The following INO80D variants were observed in gnomAD, a reference collection of about 807,000 sequenced individuals.
INO80D encodes the protein INO80 complex subunit D.
INO80D carries 21 observed loss-of-function variants against 87.6 expected under a neutral mutation model. The ratio of observed to expected loss-of-function variants is 0.24; its 90% CI spans 0.17 to 0.35. The LOEUF is 0.35. Among genes scored for constraint, INO80D ranks in the 10% least tolerant of loss-of-function variants. The pLI is 1.00. For missense variants in INO80D, 982 were observed against 1,280.7 expected (o/e 0.77, Z 3.56); for synonymous variants, 440 against 491.0 (o/e 0.90, Z 1.37).
intron 6 of INO80D, among the ~76,000 whole-genome samples, chr2:206,025,270 G>A (rs184037413): frequency 6.6e-6 from 1 of 151,186 alleles, no homozygotes; most frequent in East Asian, 2.0e-4. Context: ...GCTCACGCCT[G>A]TAATCCCAGC....
At chr2:206,065,049 A>G (rs1689777807) in intron 1 of INO80D, among the ~76,000 whole-genome samples, 1 of 152,124 alleles carries the variant, frequency 6.6e-6, no homozygotes, top group African/African-American at 2.4e-5. Context: ...CTAGACCCCC[A>G]CCTTTCACCC....
rs1687963148 is a variant in INO80D at position 206,004,318 on chromosome 2, AAGAT to A, written c.*46_*49del. The A allele has an allele frequency of 6.7e-7, 1 of 1,489,222 alleles. No homozygotes were observed. Among genetic ancestry groups the A allele is most frequent in the Admixed American group, 2.0e-5 (1 of 50,276 alleles). The allele number at this position is 1,489,222 out of a possible 1,614,324, so 92.3% of individuals were successfully genotyped here. On this transcript the variant is annotated 3_prime_UTR_variant, in exon 11 of 11. Transcript: ENST00000403263. The surrounding 1 kb of genome is among the most constrained non-coding windows in gnomAD (Gnocchi z 4.9). ...GGAGAGGGGTGCTAAAGAGGAAACA[AAGAT>A]AGAAAACACTGGGTTCCCCACCTGC...
At position 206,058,151 on chromosome 2, in the gene INO80D, T is replaced by C. The variant is rs564074358; in HGVS notation, c.219-1208A>G. ...AAAAACCTATAAAGGCCGGGCACAATGGCTCATGCCTGTAATCCCAGCACT... is the reference window on the plus strand; with the variant it reads ...AAAAACCTATAAAGGCCGGGCACAACGGCTCATGCCTGTAATCCCAGCACT... On this transcript the variant is annotated intron_variant, in intron 3 of 10. Coordinates refer to ENST00000403263, the MANE Select transcript of INO80D (RefSeq NM_017759.5). 7.2e-5 allele frequency among the ~76,000 whole-genome samples: 11 copies of C among 152,308 alleles called. No homozygotes were observed. The South Asian group carries it at 2.3e-3, about 32-fold the overall frequency.
chr2:206,036,980 T>C (rs779716897), intron 5 of INO80D, among the ~76,000 whole-genome samples: 4 of 152,148 alleles, frequency 2.6e-5, no homozygotes, highest in Non-Finnish European at 4.4e-5. Flanking sequence ...TCAAGGACAT[T>C]AATATTTCAA....
chr2:206,048,438 G>A (rs201866157), intron 4 of INO80D, among the ~76,000 whole-genome samples: 67 of 151,780 alleles, frequency 4.4e-4, no homozygotes, highest in East Asian at 4.1e-3. Flanking sequence ...TTGCCATGTT[G>A]ACCAGGCTGC....
chr2:206,047,819 A>G (rs1261371100), intron 4 of INO80D, among the ~76,000 whole-genome samples: 1 of 151,762 alleles, frequency 6.6e-6, no homozygotes. Context: ...GTAGGATGGT[A>G]ATGTTCTACT....
At position 206,056,623 on chromosome 2, in the gene INO80D, C is replaced by A. The variant is rs762687351; in HGVS notation, c.539G>T (p.Arg180Leu). 1.2e-6 allele frequency: 2 copies of A among 1,610,546 alleles called. No individual in the cohort carries two copies. Among genetic ancestry groups the A allele is most frequent in the South Asian group, 1.1e-5 (1 of 90,482 alleles). Reference protein sequence around the residue: ...LQSKLAQNRQRQRETEILKVR... With the variant: ...LQSKLAQNRQLQRETEILKVR... ...TTTTAAAATCTCTGTCTCTCTCTGGCGCTGCCGATTCTGGGCCAACTTGCT... is the reference window on the plus strand; with the variant it reads ...TTTTAAAATCTCTGTCTCTCTCTGGAGCTGCCGATTCTGGGCCAACTTGCT... The change falls in exon 4 of 11, where the codon CGC becomes CTC. Residue 180 changes from arginine (R) to leucine (L), a missense_variant. Coordinates refer to ENST00000403263, the MANE Select transcript of INO80D (RefSeq NM_017759.5).
rs1023098649 is a variant in INO80D, at chr2:206,004,212, G to A, written c.*156C>T. ...GAGCACATGTGAACACTGTAGCGAG[G>A]TCCACTGCAGGGCCACTCATTGAAC... On this transcript the variant is annotated 3_prime_UTR_variant, in exon 11 of 11. Transcript: ENST00000403263. The surrounding 1 kb of genome is among the most constrained non-coding windows in gnomAD (Gnocchi z 4.9). The A allele has an allele frequency of 2.9e-6, 2 of 684,808 alleles. No homozygotes were observed. Among genetic ancestry groups the A allele is most frequent in the Admixed American group, 5.5e-5 (2 of 36,334 alleles). The allele number at this position is 684,808 out of a possible 1,614,324, so 42.4% of individuals were successfully genotyped here.
At chr2:206,033,456 A>G (rs543008369) in intron 5 of INO80D, among the ~76,000 whole-genome samples, 164 of 152,300 alleles carry the variant, frequency 1.1e-3, no homozygotes, top group Non-Finnish European at 1.8e-3. Context: ...ATCCAAATAC[A>G]TGGAAATTAA....
chr2:206,039,975 G>A (rs1463372351), intron 5 of INO80D, among the ~76,000 whole-genome samples: 1 of 151,700 alleles, frequency 6.6e-6, no homozygotes, highest in Non-Finnish European at 1.5e-5. Context: ...ATACGACAAA[G>A]AGTAATCACA....
chr2:206,011,318 C>T (rs1221084367), intron 8 of INO80D, among the ~76,000 whole-genome samples: 2 of 152,128 alleles, frequency 1.3e-5, no homozygotes, highest in African/African-American at 2.4e-5. Context: ...GTAAGGCTCC[C>T]AATGATCACC....
Position 206,047,999 on chromosome 2 carries a change from C to T in INO80D, c.965-1387G>A, listed in dbSNP as rs938928642. 1.5e-4 allele frequency among the ~76,000 whole-genome samples: 23 copies of T among 151,854 alleles called. 2 individuals carry two copies. The highest frequency in any genetic ancestry group is 1.2e-3 in the East Asian group (6 of 5,156). On this transcript the variant is annotated intron_variant, in intron 4 of 10. Transcript: ENST00000403263. ...CCGAGTAGCTGGGACTACAGGCACC[C>T]GCCACCGCGCCTGGCTAATTTTTTT...
chr2:206,027,784 G>A (rs1688656343), intron 6 of INO80D, among the ~76,000 whole-genome samples: 1 of 152,070 alleles, frequency 6.6e-6, no homozygotes, highest in South Asian at 2.1e-4. Flanking sequence ...TACTTTTGTA[G>A]TTAAAAATCT....
intron 4 of INO80D, among the ~76,000 whole-genome samples, chr2:206,050,023 C>A (rs1689307307): frequency 6.6e-6 from 1 of 151,968 alleles, no homozygotes; most frequent in Non-Finnish European, 1.5e-5. Flanking sequence ...ATCCTAGCTA[C>A]TCAGGAGGCT....
chr2:206,011,707 T>C (rs1248459999), intron 8 of INO80D, among the ~76,000 whole-genome samples: 1 of 152,196 alleles, frequency 6.6e-6, no homozygotes, highest in Admixed American at 6.5e-5. Context: ...ACCCCTTCCA[T>C]TGGTATGCCT....
Position 206,065,807 on chromosome 2 carries a change from G to A in INO80D, c.-123-2563C>T, listed in dbSNP as rs182669722. ...GAAAAAATGCTGAACATCACTAATCGTCAGGGAAATACAAATCAAAATTGG... is the reference window on the plus strand; with the variant it reads ...GAAAAAATGCTGAACATCACTAATCATCAGGGAAATACAAATCAAAATTGG... On this transcript the variant is annotated intron_variant, in intron 1 of 10. Coordinates refer to ENST00000403263, the MANE Select transcript of INO80D (RefSeq NM_017759.5). Among the ~76,000 whole-genome samples the A allele has an allele frequency of 5.3e-5, 8 of 152,220 alleles. No homozygotes were observed. The East Asian group carries it at 1.2e-3, about 22-fold the overall frequency.
chr2:206,005,575 C>T, intron 10 of INO80D, 42 bp from the exon 11 acceptor site: 2 of 1,402,464 alleles, frequency 1.4e-6, no homozygotes, highest in Non-Finnish European at 2.0e-6. Flanking sequence ...GAGCTTTTAC[C>T]AGTTCTACAT....
At chr2:206,008,987 G>C (rs925511296) in intron 9 of INO80D, among the ~76,000 whole-genome samples, 2 of 152,180 alleles carry the variant, frequency 1.3e-5, no homozygotes, top group African/African-American at 4.8e-5. Context: ...ACTTCTGTTG[G>C]AACATATATG....
At chr2:206,073,491 C>T (rs975569420) in intron 1 of INO80D, among the ~76,000 whole-genome samples, 5 of 151,996 alleles carry the variant, frequency 3.3e-5, no homozygotes, top group African/African-American at 4.8e-5. Context: ...TAAATACTAT[C>T]GCATTTTCTT....
Sources: gnomAD v4.1 joint callset for allele counts (sites outside exome capture counted in the v4.1 genomes callset) on GRCh38, gnomAD v4.1.1 for gene constraint, Gnocchi (gnomAD v3.1) non-coding constraint, MANE v1.5 for transcripts, NCBI Gene and HGNC (gene_info 2026-07-23, HGNC 2026-07-21) for gene names.